RAB33B: variants seen among roughly 807,000 people sequenced by gnomAD.
RAB33B encodes ras-related protein Rab-33B.
RAB33B carries 6 observed loss-of-function variants against 15.0 expected under a neutral mutation model. The observed-to-expected ratio is 0.40, with a 90% CI of 0.22 to 0.79. The LOEUF is 0.79. Ranked by LOEUF, RAB33B falls within the 30% of genes least tolerant of loss-of-function variation. The pLI, the probability that RAB33B is intolerant of heterozygous loss-of-function variation, is 0.37. For synonymous variants in RAB33B, 117 were observed against 108.3 expected (o/e 1.08, Z -0.50); for missense variants, 257 against 296.4 (o/e 0.87, Z 0.98).
At position 139,454,292 on chromosome 4, in the gene RAB33B, ATCT is replaced by A. The variant is rs1561001946; in HGVS notation, c.100_102del (p.Phe34del). 6.2e-7 allele frequency: 1 copy of A among 1,614,184 alleles called. No individual in the cohort carries two copies. Among genetic ancestry groups the A allele is most frequent in the Admixed American group, 1.7e-5 (1 of 60,026 alleles). Reference sequence around the variant, plus strand: ...GTTTTTGCCTCCTGCCCGCTCCCGCATCTTCAAGATAATCGTGATCGGCGACTC... The same window carrying A: ...GTTTTTGCCTCCTGCCCGCTCCCGCATCAAGATAATCGTGATCGGCGACTC... On this transcript the variant is annotated inframe_deletion, in exon 1 of 2. Coordinates refer to ENST00000305626, the MANE Select transcript of RAB33B (RefSeq NM_031296.3).
At chr4:139,457,849 C>T (rs1027181511) in intron 1 of RAB33B, among the ~76,000 whole-genome samples, 5 of 152,112 alleles carry the variant, frequency 3.3e-5, no homozygotes, top group African/African-American at 1.2e-4. Flanking sequence ...CTACTTTAAT[C>T]CTTCTTATCC....
At chr4:139,470,350 A>T (rs2111085137) in intron 1 of RAB33B, among the ~76,000 whole-genome samples, 1 of 152,300 alleles carries the variant, frequency 6.6e-6, no homozygotes, top group Middle Eastern at 3.4e-3. Context: ...GGCCATGAGG[A>T]GTACTGCCAG....
intron 1 of RAB33B, among the ~76,000 whole-genome samples, chr4:139,467,275 C>T (rs542493277): frequency 2.3e-3 from 326 of 143,904 alleles, no homozygotes; most frequent in African/African-American, 7.1e-3. Flanking sequence ...GGCCTTCCGC[C>T]GCGCACCTCT....
At chr4:139,465,893 C>T (rs1750275287) in intron 1 of RAB33B, among the ~76,000 whole-genome samples, 1 of 151,224 alleles carries the variant, frequency 6.6e-6, no homozygotes. Context: ...CCACTCCCAG[C>T]TCACTTTTTT....
At chr4:139,461,193 T>TG (rs1750165308) in intron 1 of RAB33B, among the ~76,000 whole-genome samples, 1 of 152,094 alleles carries the variant, frequency 6.6e-6, no homozygotes, top group Non-Finnish European at 1.5e-5. Context: ...ACAGGGAGTG[T>TG]GGGGGTGCGA....
chr4:139,450,822 T>C (rs1339091349), upstream of RAB33B: 1 of 151,698 alleles, frequency 6.6e-6, no homozygotes, highest in Non-Finnish European at 1.5e-5. Flanking sequence ...GGAGGTGGCA[T>C]ATCTAGTTAA....
At chr4:139,452,917 C>G (rs1333311716), upstream of RAB33B, 1 of 152,196 alleles carries the variant, frequency 6.6e-6, no homozygotes, top group South Asian at 2.1e-4. Context: ...TATTCATCTG[C>G]TCAAACAGAT....
At chr4:139,471,656 C>G (rs921868580) in intron 1 of RAB33B, among the ~76,000 whole-genome samples, 7 of 151,532 alleles carry the variant, frequency 4.6e-5, no homozygotes, top group African/African-American at 1.5e-4. Flanking sequence ...TCAGGCTGGT[C>G]TTAAACTCCT....
At chr4:139,460,810 G>C (rs55893059) in intron 1 of RAB33B, among the ~76,000 whole-genome samples, 3,117 of 152,260 alleles carry the variant, frequency 0.02, 95 homozygotes, top group African/African-American at 0.069. Context: ...GGGCTGGCAT[G>C]GTGTAAGTAA....
the RAB33B span, among the ~76,000 whole-genome samples, chr4:139,439,163 G>A: frequency 6.6e-6 from 1 of 152,084 alleles, no homozygotes; most frequent in Non-Finnish European, 1.5e-5. Flanking sequence ...ACCACGCACA[G>A]CTAATTTTTT....
rs778963098 is a variant in RAB33B, at chr4:139,475,481, T to A, written c.*2355T>A. Reference sequence around the variant, plus strand: ...TCTCATTTGTAACAATTTGTTTTAATTTTTTATATATATGTTTTTATTTTT... The same window carrying A: ...TCTCATTTGTAACAATTTGTTTTAAATTTTTATATATATGTTTTTATTTTT... On this transcript the variant is annotated 3_prime_UTR_variant, in exon 2 of 2. Transcript: ENST00000305626. 1.4e-4 allele frequency: 21 copies of A among 151,982 alleles called. No individual in the cohort carries two copies. The highest frequency in any genetic ancestry group is 2.7e-4 in the Non-Finnish European group (18 of 67,908). The allele number at this position is 151,982 out of a possible 1,614,324, so 9.4% of individuals were successfully genotyped here. A position where few individuals can be genotyped will look rare whatever the true frequency, so the allele number is the denominator to read the frequency against.
the RAB33B span, among the ~76,000 whole-genome samples, chr4:139,447,692 A>T: frequency 1.7e-5 from 2 of 117,164 alleles, no homozygotes; most frequent in East Asian, 2.4e-4. Flanking sequence ...TTTGAGACAG[A>T]GTCTCGCTCT....
Position 139,472,728 on chromosome 4 carries a change from A to G in RAB33B, c.292A>G (p.Ser98Gly). ...AGCAGGACAAGAACGATTCAGAAAG[A>G]GCATGGTTCAGCACTACTACAGAAA... ...DTAGQERFRK[S>G]MVQHYYRNVH... is the part of the protein sequence containing the mutation. The change falls in exon 2 of 2, where the codon AGC (serine) becomes GGC (glycine). Residue 98 changes from serine to glycine, a missense_variant. Physicochemically the swap from Ser to Gly is moderately conservative, Grantham distance 56. Coordinates refer to ENST00000305626, the MANE Select transcript of RAB33B (RefSeq NM_031296.3). The G allele has an allele frequency of 1.2e-6, 2 of 1,610,378 alleles. No individual in the cohort carries two copies. The highest frequency in any genetic ancestry group is 1.7e-6 in the Non-Finnish European group (2 of 1,176,704).
rs538706723 is a variant in RAB33B at position 139,463,628 on chromosome 4, T to C, written c.250-9058T>C. Among the ~76,000 whole-genome samples, 4 of 152,374 alleles carry C rather than the reference T, an allele frequency of 2.6e-5. No homozygotes were observed. The South Asian group carries it at 8.3e-4, about 32-fold the overall frequency. ...TCCAAAAGTATCAGTTTCTCTTCTT[T>C]TTTAAACATCATGAACCATTCCACT... is the stretch of plus-strand genomic sequence containing the variant. On this transcript the variant is annotated intron_variant, in intron 1 of 1. Transcript: ENST00000305626.
chr4:139,462,446 A>G (rs2111076425), intron 1 of RAB33B, among the ~76,000 whole-genome samples: 1 of 152,326 alleles, frequency 6.6e-6, no homozygotes, highest in Non-Finnish European at 1.5e-5. Flanking sequence ...TAAAATGTTA[A>G]AGGTTTTAAT....
intron 1 of RAB33B, among the ~76,000 whole-genome samples, chr4:139,464,840 A>G (rs1750251132): frequency 6.6e-6 from 1 of 152,194 alleles, no homozygotes; most frequent in Admixed American, 6.5e-5. Flanking sequence ...ATAGTGCTGT[A>G]ATAAACATAC....
chr4:139,472,864 G>A lies in RAB33B; in HGVS notation c.428G>A (p.Arg143Gln), dbSNP rs1345316876. The change falls in exon 2 of 2, where the codon CGG (arginine) becomes CAG (glutamine). Residue 143 changes from arginine (R) to glutamine (Q), a missense_variant. Coordinates refer to ENST00000305626, the MANE Select transcript of RAB33B (RefSeq NM_031296.3). ...KQHLLANDIP[R>Q]ILVGNKCDLR... ...CATTTGCTAGCCAATGATATACCAC[G>A]GATTCTTGTTGGAAATAAATGTGAC... 1.1e-5 allele frequency: 18 copies of A among 1,614,002 alleles called. No homozygotes were observed. In the Admixed American group the frequency reaches 1.8e-4, roughly 16 times the overall value.
the RAB33B span, among the ~76,000 whole-genome samples, chr4:139,441,601 C>A: frequency 6.6e-6 from 1 of 152,226 alleles, no homozygotes; most frequent in South Asian, 2.1e-4. Flanking sequence ...GGAATTATAT[C>A]CCAGATAAAT....
chr4:139,456,458 A>T (rs1750068976), intron 1 of RAB33B, among the ~76,000 whole-genome samples: 1 of 152,206 alleles, frequency 6.6e-6, no homozygotes, highest in Admixed American at 6.5e-5. Flanking sequence ...AATATAAAGC[A>T]TGTGCAGTGT....
Sources: allele counts gnomAD v4.1 joint callset (sites outside exome capture counted in the v4.1 genomes callset), GRCh38; gene constraint gnomAD v4.1.1; transcripts MANE v1.5; gene names NCBI Gene and HGNC (gene_info 2026-07-23, HGNC 2026-07-21).